CD36: variants seen among roughly 807,000 people sequenced by gnomAD.
CD36 encodes platelet glycoprotein 4.
Under a neutral mutation model 55.2 loss-of-function variants are expected in CD36, and 119 were observed. That is an observed-to-expected ratio of 2.15 (90% CI 1.86 to 2.51). CD36 has a LOEUF of 2.51. Among genes scored for constraint, CD36 ranks in the 30% most tolerant of loss-of-function variants. CD36 has a pLI of 0.00. For missense variants in CD36, 819 were observed against 555.5 expected, an observed-to-expected ratio of 1.47 and a Z score of -4.77; for synonymous variants, 186 against 193.6, an observed-to-expected ratio of 0.96 and a Z score of 0.33.
chr7:80,657,792 G>A lies in CD36; in HGVS notation c.281+1092G>A, dbSNP rs192974749. 3.7e-3 allele frequency among the ~76,000 whole-genome samples: 569 copies of A among 152,276 alleles called. 4 individuals are homozygous for A. The highest frequency in any genetic ancestry group is 0.012 in the African/African-American group (510 of 41,560). ...GCTATAGAATTTGTTACCTAAATGT[G>A]TATTTTCCCTCATGGATAATCACAA... On this transcript the variant is annotated intron_variant, in intron 4 of 14. Coordinates refer to ENST00000447544, the MANE Select transcript of CD36 (RefSeq NM_001001548.3).
At chr7:80,647,045 G>T (rs1704378652) in intron 3 of CD36, 185 bp downstream of exon 3, 3 of 594,380 alleles carry the variant, frequency 5.0e-6, no homozygotes, top group Non-Finnish European at 8.8e-6. Flanking sequence ...TAAGTATAAT[G>T]TATATTTAAC....
chr7:80,653,161 C>A (rs1795756848), intron 3 of CD36, among the ~76,000 whole-genome samples: 1 of 152,168 alleles, frequency 6.6e-6, no homozygotes, highest in South Asian at 2.1e-4. Context: ...AGCCACTATA[C>A]CTTGTTAGGG....
intron 1 of CD36, among the ~76,000 whole-genome samples, chr7:80,631,740 A>C (rs546230580): frequency 6.6e-6 from 1 of 151,800 alleles, no homozygotes; most frequent in East Asian, 1.9e-4. Flanking sequence ...ACTCATGTAA[A>C]CATGATATAA....
intron 1 of CD36, among the ~76,000 whole-genome samples, chr7:80,603,389 G>C (rs766041212): frequency 5.3e-5 from 8 of 151,976 alleles, no homozygotes; most frequent in Non-Finnish European, 8.8e-5. Context: ...TGAATTCTGG[G>C]GAACCATTTA....
chr7:80,643,437 A>C (rs1460270502), intron 1 of CD36, among the ~76,000 whole-genome samples: 1 of 152,170 alleles, frequency 6.6e-6, no homozygotes, highest in African/African-American at 2.4e-5. Context: ...TTAATCCTTG[A>C]GTTATACATG....
Position 80,666,447 on chromosome 7 carries a change from CTGTCCTAT to C in CD36, c.709_716del (p.Ser237GlyfsTer8), listed in dbSNP as rs1562815212. On this transcript the variant is annotated frameshift_variant, in exon 8 of 15. Transcript: ENST00000447544. LOFTEE classifies it high-confidence loss of function. ...ATTGTCTTTTTCTATTCCTAGGAAT[CTGTCCTAT>C]TGGGAAAGTCACTGCGACATGATTA... 6.3e-7 allele frequency: 1 copy of C among 1,597,238 alleles called. No homozygotes were observed. Among genetic ancestry groups the C allele is most frequent in the South Asian group, 1.1e-5 (1 of 90,726 alleles).
intron 1 of CD36, among the ~76,000 whole-genome samples, chr7:80,604,512 G>C (rs1371093417): frequency 6.6e-6 from 1 of 151,340 alleles, no homozygotes; most frequent in African/African-American, 2.4e-5. Context: ...TTTTAGATAC[G>C]TGCTTGTTGG....
intron 4 of CD36, 22 bp from the exon 5 acceptor site, chr7:80,661,041 T>A: frequency 6.3e-7 from 1 of 1,580,362 alleles, no homozygotes; most frequent in Non-Finnish European, 8.7e-7. Flanking sequence ...GTTTTGAATT[T>A]TGTTTACTGC....
chr7:80,611,352 A>G (rs918661034), intron 1 of CD36, among the ~76,000 whole-genome samples: 1 of 152,108 alleles, frequency 6.6e-6, no homozygotes, highest in Non-Finnish European at 1.5e-5. Context: ...TTGCACACCC[A>G]TAATAATCTC....
At chr7:80,643,239 C>T (rs527805704) in intron 1 of CD36, among the ~76,000 whole-genome samples, 1 of 152,264 alleles carries the variant, frequency 6.6e-6, no homozygotes, top group East Asian at 1.9e-4. Context: ...AGATTCACAA[C>T]TAGGTTGTGG....
chr7:80,629,268 C>T (rs1174631286), intron 1 of CD36, among the ~76,000 whole-genome samples: 2 of 151,890 alleles, frequency 1.3e-5, no homozygotes. Context: ...TGTAAGAGGG[C>T]CTCCAGCAGC....
In CD36 at chr7:80,674,036, A is replaced by G; in HGVS notation, c.1308A>G (p.Gly436=). ...ACATGTTCAGAAGTCAAGTAACTGG[A>G]AAAATAAACCTCCTTGGCCTGATAG... ...KANMFRSQVT[G]KINLLGLIEM... is the part of the protein sequence containing the mutation. The change falls in exon 14 of 15, where the codon GGA becomes GGG. Residue 436 remains glycine (G), a synonymous_variant. Coordinates refer to ENST00000447544, the MANE Select transcript of CD36 (RefSeq NM_001001548.3). 6.2e-7 allele frequency: 1 copy of G among 1,612,262 alleles called. No individual in the cohort carries two copies. Among genetic ancestry groups the G allele is most frequent in the Non-Finnish European group, 8.5e-7 (1 of 1,178,724 alleles).
intron 1 of CD36, among the ~76,000 whole-genome samples, chr7:80,620,167 G>A (rs148988117): frequency 6.6e-6 from 1 of 152,152 alleles, no homozygotes; most frequent in African/African-American, 2.4e-5. Flanking sequence ...ATGACAAGAA[G>A]TGTGGGGGTT....
At chr7:80,608,398 G>A (rs1049073035) in intron 1 of CD36, among the ~76,000 whole-genome samples, 4 of 152,014 alleles carry the variant, frequency 2.6e-5, no homozygotes, top group Non-Finnish European at 5.9e-5. Context: ...GTGACCTCTG[G>A]CAAGTTAGTA....
intron 14 of CD36, among the ~76,000 whole-genome samples, chr7:80,674,649 A>G (rs1584478398): frequency 1.3e-5 from 2 of 152,176 alleles, no homozygotes; most frequent in South Asian, 4.1e-4. Flanking sequence ...AGTGGTGTAC[A>G]AGAGTTTAGG....
intron 1 of CD36, among the ~76,000 whole-genome samples, chr7:80,645,021 TC>T (rs1294815300): frequency 4.1e-5 from 2 of 49,020 alleles, no homozygotes; most frequent in African/African-American, 1.2e-4. Flanking sequence ...TTTCTTCCAA[TC>T]TTTTTTTTTT....
intron 8 of CD36, among the ~76,000 whole-genome samples, chr7:80,667,747 GTTTTTTTT>G (rs1165767460): frequency 1.2e-5 from 1 of 82,636 alleles, no homozygotes. Flanking sequence ...GTTTTCTTTT[GTTTTTTTT>G]TTTTTTTTTT....
chr7:80,672,183 C>G, intron 11 of CD36, 143 bp downstream of exon 11: 1 of 669,144 alleles, frequency 1.5e-6, no homozygotes. Context: ...AAACTTAGGT[C>G]GATTTCTTCC....
At chr7:80,672,954 C>T in intron 12 of CD36, 111 bp downstream of exon 12, 4 of 747,562 alleles carry the variant, frequency 5.4e-6, no homozygotes, top group Non-Finnish European at 9.6e-6. Flanking sequence ...CTGATATCAA[C>T]TTATCTTTAG....
Sources: allele counts gnomAD v4.1 joint callset (sites outside exome capture counted in the v4.1 genomes callset), GRCh38; gene constraint gnomAD v4.1.1; transcripts MANE v1.5; gene names NCBI Gene and HGNC (gene_info 2026-07-23, HGNC 2026-07-21).